The following RALYL variants were observed in gnomAD, a reference collection of about 807,000 sequenced individuals.
RALYL encodes RNA-binding Raly-like protein.
RALYL carries 29 observed loss-of-function variants against 35.1 expected under a neutral mutation model. The ratio of observed to expected loss-of-function variants is 0.83; its 90% CI spans 0.61 to 1.13. The LOEUF (loss-of-function observed/expected upper bound fraction) is 1.13, where lower values mean the gene tolerates loss of function less well. Ranked by LOEUF, RALYL falls within the 50% of genes most tolerant of loss-of-function variation. RALYL has a pLI of 0.00. For missense variants in RALYL, 359 were observed against 360.4 expected (o/e 1.00, Z 0.03); for synonymous variants, 120 against 127.6 (o/e 0.94, Z 0.40).
intron 1 of RALYL, among the ~76,000 whole-genome samples, chr8:84,264,532 A>G (rs574340700): frequency 6.6e-6 from 1 of 151,376 alleles, no homozygotes; most frequent in Non-Finnish European, 1.5e-5. Context: ...ATAGATTTCA[A>G]AGATTTTCTC....
At chr8:84,501,518 C>A (rs1416031727) in intron 1 of RALYL, among the ~76,000 whole-genome samples, 1 of 151,976 alleles carries the variant, frequency 6.6e-6, no homozygotes, top group African/African-American at 2.4e-5. Flanking sequence ...TCTGTGATGT[C>A]ATGGTCATTT....
chr8:84,507,352 A>G (rs1203677852), intron 1 of RALYL, among the ~76,000 whole-genome samples: 1 of 152,074 alleles, frequency 6.6e-6, no homozygotes, highest in Non-Finnish European at 1.5e-5. Flanking sequence ...ACTATAATTA[A>G]TTATTTAATT....
chr8:84,713,806 A>G (rs1351168015), intron 2 of RALYL, among the ~76,000 whole-genome samples: 1 of 151,624 alleles, frequency 6.6e-6, no homozygotes, highest in Non-Finnish European at 1.5e-5. Context: ...AGAATTACTC[A>G]CAAAAGTCAA....
intron 1 of RALYL, among the ~76,000 whole-genome samples, chr8:84,277,313 T>G (rs181254045): frequency 6.6e-6 from 1 of 152,300 alleles, no homozygotes; most frequent in East Asian, 1.9e-4. Context: ...CTTGTGAGAC[T>G]TATTCACTAC....
chr8:84,715,770 TTA>T (rs946821956), intron 2 of RALYL, among the ~76,000 whole-genome samples: 22 of 152,086 alleles, frequency 1.4e-4, no homozygotes, highest in African/African-American at 4.1e-4. Context: ...CTTTTTCTAC[TTA>T]TTGATTTTCT....
chr8:84,732,683 TACACACACACACAC>T (rs1554553642), intron 2 of RALYL, among the ~76,000 whole-genome samples: 10 of 133,186 alleles, frequency 7.5e-5, no homozygotes, highest in Non-Finnish European at 1.1e-4. Flanking sequence ...TATATATATA[TACACACACACACAC>T]ATATATATAA....
At chr8:84,841,456 A>C (rs992109231) in intron 4 of RALYL, among the ~76,000 whole-genome samples, 5 of 152,206 alleles carry the variant, frequency 3.3e-5, no homozygotes, top group African/African-American at 1.2e-4. Flanking sequence ...AGGAGCACCC[A>C]GATTCATACA....
chr8:84,288,807 T>C (rs1028248414), intron 1 of RALYL, among the ~76,000 whole-genome samples: 1 of 152,186 alleles, frequency 6.6e-6, no homozygotes, highest in African/African-American at 2.4e-5. Flanking sequence ...ATTAGTATAA[T>C]TAGATATTTA....
At chr8:84,244,689 T>G (rs1386602893) in intron 1 of RALYL, among the ~76,000 whole-genome samples, 1 of 152,240 alleles carries the variant, frequency 6.6e-6, no homozygotes, top group East Asian at 1.9e-4. Context: ...ACAAAAATGA[T>G]CATTTATTAT....
intron 2 of RALYL, among the ~76,000 whole-genome samples, chr8:84,693,002 A>G (rs1265054467): frequency 2.0e-5 from 3 of 152,000 alleles, no homozygotes; most frequent in East Asian, 1.9e-4. Context: ...TTCATAAATA[A>G]CATAGCCCAA....
chr8:84,508,686 T>C (rs1195610251), intron 1 of RALYL, among the ~76,000 whole-genome samples: 2 of 152,018 alleles, frequency 1.3e-5, no homozygotes, highest in Non-Finnish European at 2.9e-5. Flanking sequence ...GATGAATTTT[T>C]CCAAGCGTTT....
chr8:84,526,884 G>C (rs1161517049), intron 1 of RALYL, among the ~76,000 whole-genome samples: 1 of 152,172 alleles, frequency 6.6e-6, no homozygotes, highest in Non-Finnish European at 1.5e-5. Flanking sequence ...ACTGCCTGTA[G>C]TTTAATGTCT....
At chr8:84,719,240 A>G (rs1442272172) in intron 2 of RALYL, among the ~76,000 whole-genome samples, 1 of 152,162 alleles carries the variant, frequency 6.6e-6, no homozygotes, top group Non-Finnish European at 1.5e-5. Context: ...GGAAGCCCTC[A>G]ATTAATAGAC....
chr8:84,310,611 GCA>G (rs764238214), intron 1 of RALYL, among the ~76,000 whole-genome samples: 2 of 152,078 alleles, frequency 1.3e-5, no homozygotes, highest in Non-Finnish European at 2.9e-5. Flanking sequence ...GATGAAAATG[GCA>G]CAAATTATGT....
chr8:84,334,280 G>T (rs1232558260), intron 1 of RALYL, among the ~76,000 whole-genome samples: 3 of 151,768 alleles, frequency 2.0e-5, no homozygotes, highest in Admixed American at 1.3e-4. Context: ...TTGATCATCA[G>T]GAAATGTACT....
At chr8:84,463,793 T>G (rs1481429894) in intron 1 of RALYL, among the ~76,000 whole-genome samples, 1 of 152,114 alleles carries the variant, frequency 6.6e-6, no homozygotes, top group Non-Finnish European at 1.5e-5. Context: ...AAAATCACCC[T>G]TTTTAGTGTA....
chr8:84,408,309 G>GA (rs200614356), intron 1 of RALYL, among the ~76,000 whole-genome samples: 4,682 of 152,004 alleles, frequency 0.031, 215 homozygotes, highest in African/African-American at 0.11. Flanking sequence ...TCAACAAAAA[G>GA]TTCTGAGGTT....
chr8:84,870,998 C>T (rs892826859), intron 6 of RALYL, among the ~76,000 whole-genome samples: 4 of 149,190 alleles, frequency 2.7e-5, no homozygotes, highest in African/African-American at 4.9e-5. Flanking sequence ...GCATTTGCTG[C>T]CCCCCCATTC....
At chr8:84,561,289 T>C (rs1018045857) in intron 2 of RALYL, among the ~76,000 whole-genome samples, 3 of 151,888 alleles carry the variant, frequency 2.0e-5, no homozygotes, top group African/African-American at 7.3e-5. Flanking sequence ...GTATAATATA[T>C]AGGAACAGAG....
Sources: allele counts gnomAD v4.1 joint callset (sites outside exome capture counted in the v4.1 genomes callset), GRCh38; gene constraint gnomAD v4.1.1; transcripts MANE v1.5; gene names NCBI Gene and HGNC (gene_info 2026-07-23, HGNC 2026-07-21).